VPS8: variants seen among roughly 807,000 people sequenced by gnomAD.
VPS8 encodes vacuolar protein sorting-associated protein 8 homolog.
VPS8 carries 129 observed loss-of-function variants against 216.4 expected under a neutral mutation model. That is an observed-to-expected ratio of 0.60 (90% CI 0.52 to 0.69). VPS8 has a LOEUF of 0.69. Among genes scored for constraint, VPS8 ranks in the 30% least tolerant of loss-of-function variants. VPS8 has a pLI of 0.00. For synonymous variants in VPS8, 571 were observed against 565.4 expected (o/e 1.01, Z -0.14); for missense variants, 1,531 against 1,683.5 (o/e 0.91, Z 1.59).
At chr3:184,849,634 G>T (rs1004104947) in intron 9 of VPS8, 2 of 314,696 alleles carry the variant, frequency 6.4e-6, no homozygotes. Flanking sequence ...AAGCCTTTCC[G>T]ATACTTTTTA....
intron 21 of VPS8, among the ~76,000 whole-genome samples, chr3:184,883,129 G>A (rs752979275): frequency 2.6e-5 from 4 of 152,104 alleles, no homozygotes; most frequent in African/African-American, 4.8e-5. Context: ...ATCTGTGACT[G>A]TGTGCCCTTC....
chr3:184,909,379 G>T lies in VPS8; in HGVS notation c.2147-4140G>T, dbSNP rs1036510200. Among the ~76,000 whole-genome samples the T allele has an allele frequency of 2.0e-5, 3 of 152,158 alleles. No homozygotes were observed. In the South Asian group the frequency reaches 6.2e-4, roughly 32 times the overall value. ...GTGTTTGTATTGCTTTTATGGAGGA[G>T]ATTTTTGCAGGTCCTTACTCCACCA... On this transcript the variant is annotated intron_variant, in intron 25 of 47. Coordinates refer to ENST00000625842, the MANE Select transcript of VPS8 (RefSeq NM_001009921.3).
rs543275696 is a variant in VPS8 at position 185,012,982 on chromosome 3, TAAA to T, written c.4003-11352_4003-11350del. 2.9e-3 allele frequency among the ~76,000 whole-genome samples: 429 copies of T among 150,034 alleles called. 7 individuals carry two copies. The highest frequency in any genetic ancestry group is 0.01 in the African/African-American group (407 of 39,440). Reference sequence around the variant, plus strand: ...AAAAGCATTTCCTACGGGAAATAACTAAAAGCATTTCCTACAGGAAATAAAGGG... The same window carrying T: ...AAAAGCATTTCCTACGGGAAATAACTAGCATTTCCTACAGGAAATAAAGGG... On this transcript the variant is annotated intron_variant, in intron 45 of 47. Coordinates refer to ENST00000625842, the MANE Select transcript of VPS8 (RefSeq NM_001009921.3).
intron 36 of VPS8, among the ~76,000 whole-genome samples, chr3:184,944,037 G>T (rs1451106054): frequency 2.7e-5 from 3 of 111,852 alleles, no homozygotes; most frequent in African/African-American, 1.2e-4. Context: ...GGGAGGCAGA[G>T]GTTGCACACA....
intron 47 of VPS8, among the ~76,000 whole-genome samples, chr3:185,050,511 T>C (rs1713975854): frequency 1.3e-5 from 2 of 152,158 alleles, no homozygotes; most frequent in Admixed American, 1.3e-4. Flanking sequence ...TGTGCCACCA[T>C]TGCCTGTGTG....
At chr3:184,818,855 A>G (rs988519430) in intron 1 of VPS8, among the ~76,000 whole-genome samples, 1 of 151,518 alleles carries the variant, frequency 6.6e-6, no homozygotes, top group African/African-American at 2.5e-5. Flanking sequence ...AGTTAGGAAT[A>G]AATGTTTCCC....
chr3:184,978,725 A>T (rs575740420), intron 40 of VPS8, among the ~76,000 whole-genome samples: 327 of 152,274 alleles, frequency 2.1e-3, no homozygotes, highest in African/African-American at 7.7e-3. Flanking sequence ...TTAGTGGTCT[A>T]GAAATCTTAT....
Position 184,924,990 on chromosome 3 carries a change from C to T in VPS8, c.2574+9C>T. 1 of 1,611,204 alleles carries T rather than the reference C, an allele frequency of 6.2e-7. No individual in the cohort carries two copies. Among genetic ancestry groups the T allele is most frequent in the Non-Finnish European group, 8.5e-7 (1 of 1,178,824 alleles). ...GAACACTTTTTGATCAGGTAAGTGT[C>T]TAGCAGTGAAAACTAAAAGGTTTTT... On this transcript the variant is annotated intron_variant, in intron 30 of 47. Transcript: ENST00000625842.
chr3:184,872,693 G>C (rs1728561230), intron 21 of VPS8, among the ~76,000 whole-genome samples: 1 of 152,014 alleles, frequency 6.6e-6, no homozygotes, highest in African/African-American at 2.4e-5. Flanking sequence ...ATAGACCCTT[G>C]AGAGAAAAAT....
chr3:184,997,786 T>C (rs1026772005), intron 44 of VPS8, among the ~76,000 whole-genome samples: 1 of 152,184 alleles, frequency 6.6e-6, no homozygotes, highest in African/African-American at 2.4e-5. Flanking sequence ...AGGTGACTTA[T>C]GAACAGACAA....
intron 1 of VPS8, among the ~76,000 whole-genome samples, chr3:184,813,353 A>T (rs1325794194): frequency 6.6e-6 from 1 of 151,804 alleles, no homozygotes; most frequent in East Asian, 1.9e-4. Context: ...GCTAAACCTT[A>T]CTCCAAATGT....
chr3:185,018,671 A>G (rs1032048768), intron 45 of VPS8, among the ~76,000 whole-genome samples: 3 of 152,192 alleles, frequency 2.0e-5, no homozygotes, highest in Non-Finnish European at 4.4e-5. Flanking sequence ...ACAAGAGGAG[A>G]ACCTGGTCCA....
chr3:184,973,892 C>T (rs1748839333), intron 40 of VPS8, among the ~76,000 whole-genome samples: 1 of 152,078 alleles, frequency 6.6e-6, no homozygotes. Flanking sequence ...TTTTTTATGG[C>T]CAAATACCAT....
At chr3:184,895,863 A>G (rs1733376222) in intron 23 of VPS8, among the ~76,000 whole-genome samples, 1 of 150,440 alleles carries the variant, frequency 6.6e-6, no homozygotes, top group African/African-American at 2.5e-5. Context: ...CGAACTTTTG[A>G]CTTCAAGTGA....
chr3:184,854,257 A>G (rs1724835058), intron 13 of VPS8, 84 bp downstream of exon 13: 1 of 1,456,508 alleles, frequency 6.9e-7, no homozygotes, highest in Non-Finnish European at 9.6e-7. Context: ...GGTGAATTCT[A>G]TGAGATTGTC....
intron 16 of VPS8, among the ~76,000 whole-genome samples, chr3:184,863,823 T>C (rs1726845116): frequency 6.6e-6 from 1 of 152,214 alleles, no homozygotes; most frequent in Non-Finnish European, 1.5e-5. Flanking sequence ...TCATATTTAA[T>C]GAGTGACTAC....
chr3:185,021,226 C>A (rs1577189196), intron 45 of VPS8, among the ~76,000 whole-genome samples: 1 of 152,158 alleles, frequency 6.6e-6, no homozygotes, highest in African/African-American at 2.4e-5. Flanking sequence ...TCATCCGTAT[C>A]CCCAGATCTA....
intron 36 of VPS8, among the ~76,000 whole-genome samples, chr3:184,948,551 G>GA (rs1744101375): frequency 2.0e-5 from 3 of 152,136 alleles, no homozygotes; most frequent in African/African-American, 7.2e-5. Flanking sequence ...TTCAGGGCAG[G>GA]AAGTCAAGCC....
chr3:184,832,579 C>G (rs1437986701), intron 3 of VPS8, 110 bp from the exon 4 acceptor site: 8 of 938,424 alleles, frequency 8.5e-6, no homozygotes, highest in Non-Finnish European at 1.1e-5. Flanking sequence ...GGAATAGAGG[C>G]GAAAAGCAGA....
Sources: gnomAD v4.1 joint callset for allele counts (sites outside exome capture counted in the v4.1 genomes callset) on GRCh38, gnomAD v4.1.1 for gene constraint, MANE v1.5 for transcripts, NCBI Gene and HGNC (gene_info 2026-07-23, HGNC 2026-07-21) for gene names.